Variants in EYS observed in about 807,000 individuals in gnomAD.
EYS encodes EGF-like photoreceptor maintenance factor, also known as protein eyes shut homolog.
Under a neutral mutation model 282.1 loss-of-function variants are expected in EYS, and 250 were observed. The ratio of observed to expected loss-of-function variants is 0.89; its 90% CI spans 0.80 to 0.98. EYS has a LOEUF of 0.98. Ranked by LOEUF, EYS falls within the 50% of genes least tolerant of loss-of-function variation. The probability of loss-of-function intolerance (pLI) is 0.00; values close to 1 mark genes in which losing one functional copy is unlikely to be tolerated. For synonymous variants in EYS, 1,355 were observed against 1,282.9 expected, an observed-to-expected ratio of 1.06 and a Z score of -1.20; for missense variants, 4,016 against 3,709.0, an observed-to-expected ratio of 1.08 and a Z score of -2.15.
At chr6:64,811,848 T>C (rs976228419) in intron 22 of EYS, among the ~76,000 whole-genome samples, 1 of 152,154 alleles carries the variant, frequency 6.6e-6, no homozygotes, top group African/African-American at 2.4e-5. Flanking sequence ...GTCTCTGTTA[T>C]TCTGTTATAG....
chr6:65,391,649 C>T (rs929979175), intron 7 of EYS, among the ~76,000 whole-genome samples: 4 of 152,014 alleles, frequency 2.6e-5, no homozygotes, highest in Admixed American at 1.3e-4. Context: ...AACTACAAAC[C>T]ACCGCTCAAG....
chr6:65,273,079 A>G (rs930070712), intron 12 of EYS, among the ~76,000 whole-genome samples: 2 of 152,202 alleles, frequency 1.3e-5, no homozygotes, highest in African/African-American at 4.8e-5. Context: ...CACTGGATAA[A>G]AAAAGATTCA....
At chr6:63,907,441 A>C (rs1773804851) in intron 35 of EYS, among the ~76,000 whole-genome samples, 1 of 152,130 alleles carries the variant, frequency 6.6e-6, no homozygotes, top group African/African-American at 2.4e-5. Flanking sequence ...TGAGGTACTC[A>C]ATTTTTGTCT....
intron 35 of EYS, among the ~76,000 whole-genome samples, chr6:63,944,842 G>A (rs1029997204): frequency 1.3e-5 from 2 of 152,126 alleles, no homozygotes; most frequent in East Asian, 3.9e-4. Flanking sequence ...GCTGAGGAAG[G>A]AGAATCACTT....
At chr6:63,895,371 G>C (rs1773511040) in intron 35 of EYS, among the ~76,000 whole-genome samples, 1 of 152,054 alleles carries the variant, frequency 6.6e-6, no homozygotes, top group African/African-American at 2.4e-5. Flanking sequence ...GATTTCAGGA[G>C]ACATAAAAAT....
intron 14 of EYS, among the ~76,000 whole-genome samples, chr6:64,968,405 C>G (rs899788069): frequency 1.3e-5 from 2 of 152,034 alleles, no homozygotes; most frequent in Non-Finnish European, 2.9e-5. Context: ...GTTATTCTTT[C>G]AAAATATATT....
intron 33 of EYS, among the ~76,000 whole-genome samples, chr6:64,037,373 T>C (rs1770172488): frequency 6.6e-6 from 1 of 152,160 alleles, no homozygotes; most frequent in South Asian, 2.1e-4. Flanking sequence ...AAATACAATC[T>C]AGAAAACAAA....
intron 30 of EYS, among the ~76,000 whole-genome samples, chr6:64,232,170 A>T (rs1022964632): frequency 4.6e-5 from 7 of 152,110 alleles, no homozygotes; most frequent in African/African-American, 1.4e-4. Context: ...TTCATCACAG[A>T]TTGTACCAAT....
intron 28 of EYS, among the ~76,000 whole-genome samples, chr6:64,423,199 G>A (rs2150453473): frequency 6.6e-6 from 1 of 152,118 alleles, no homozygotes; most frequent in African/African-American, 2.4e-5. Flanking sequence ...TCTCTTCATG[G>A]ATTAACAATT....
At chr6:65,586,246 T>C (rs1483986949) in intron 2 of EYS, among the ~76,000 whole-genome samples, 1 of 152,062 alleles carries the variant, frequency 6.6e-6, no homozygotes, top group Non-Finnish European at 1.5e-5. Flanking sequence ...CAGAAGGATT[T>C]ATAGAACAAC....
At chr6:63,824,901 TC>T (rs1478332918) in intron 36 of EYS, among the ~76,000 whole-genome samples, 1 of 152,164 alleles carries the variant, frequency 6.6e-6, no homozygotes, top group East Asian at 1.9e-4. Context: ...GCGAGAAGCC[TC>T]CTGGCCAGAA....
chr6:65,238,479 AC>A (rs1766981179), intron 12 of EYS, among the ~76,000 whole-genome samples: 1 of 151,908 alleles, frequency 6.6e-6, no homozygotes, highest in Non-Finnish European at 1.5e-5. Context: ...TTGTGATCAT[AC>A]CCAAATTATT....
chr6:65,480,442 CATATTATATTGATTTTAG>C (rs1219896037), intron 5 of EYS, among the ~76,000 whole-genome samples: 1 of 151,926 alleles, frequency 6.6e-6, no homozygotes, highest in East Asian at 1.9e-4. Flanking sequence ...AGAGAAGCAA[CATATTATATTGATTTTAG>C]ATCAAATCAC....
intron 14 of EYS, among the ~76,000 whole-genome samples, chr6:64,978,876 C>T (rs1047675244): frequency 5.9e-5 from 9 of 151,740 alleles, no homozygotes; most frequent in African/African-American, 2.2e-4. Flanking sequence ...TGGATTGCTG[C>T]CATATTGTGA....
intron 29 of EYS, among the ~76,000 whole-genome samples, chr6:64,318,573 T>A (rs573195987): frequency 1.4e-3 from 206 of 152,154 alleles, no homozygotes; most frequent in African/African-American, 4.7e-3. Flanking sequence ...GAAGTTTTCA[T>A]GTTTTTATCC....
At chr6:64,196,457 T>A (rs368591891) in intron 31 of EYS, among the ~76,000 whole-genome samples, 2 of 152,094 alleles carry the variant, frequency 1.3e-5, no homozygotes, top group African/African-American at 4.8e-5. Context: ...ATGTTTATTG[T>A]GGCACTATTC....
At chr6:65,604,813 TTGTAAAAGACCTTTAAATTCAC>T (rs1466111051) in intron 2 of EYS, among the ~76,000 whole-genome samples, 1 of 150,924 alleles carries the variant, frequency 6.6e-6, no homozygotes, top group Non-Finnish European at 1.5e-5. Context: ...ATGATGTTCA[TTGTAAAAGACCTTTAAATTCAC>T]TGCCCCCTTT....
At chr6:64,323,419 G>A (rs1052235358) in intron 29 of EYS, among the ~76,000 whole-genome samples, 6 of 151,834 alleles carry the variant, frequency 4.0e-5, no homozygotes, top group Admixed American at 1.3e-4. Context: ...TCTATACATC[G>A]CTTGATTCGC....
chr6:65,378,992 C>A (rs1007453620), intron 8 of EYS, among the ~76,000 whole-genome samples: 4 of 151,644 alleles, frequency 2.6e-5, no homozygotes, highest in African/African-American at 9.7e-5. Context: ...ATGTAACAAA[C>A]CTGCACATTC....
Sources: allele counts gnomAD v4.1 joint callset (sites outside exome capture counted in the v4.1 genomes callset), GRCh38; gene constraint gnomAD v4.1.1; transcripts MANE v1.5; gene names NCBI Gene and HGNC (gene_info 2026-07-23, HGNC 2026-07-21).